ABLIM2: variants seen among roughly 807,000 people sequenced by gnomAD.
The protein encoded by ABLIM2 is actin binding LIM protein family member 2.
Under a neutral mutation model 97.7 loss-of-function variants are expected in ABLIM2, and 53 were observed. That is an observed-to-expected ratio of 0.54 (90% CI 0.44 to 0.68). The LOEUF is 0.68. Ranked by LOEUF, ABLIM2 falls within the 30% of genes least tolerant of loss-of-function variation. The pLI, the probability that ABLIM2 is intolerant of heterozygous loss-of-function variation, is 0.00. For missense variants in ABLIM2, 835 were observed against 867.2 expected (o/e 0.96, Z 0.47); for synonymous variants, 361 against 345.8 (o/e 1.04, Z -0.49).
At chr4:8,126,807 T>C (rs1848174804) in intron 1 of ABLIM2, among the ~76,000 whole-genome samples, 1 of 152,052 alleles carries the variant, frequency 6.6e-6, no homozygotes, top group South Asian at 2.1e-4. Flanking sequence ...GGCTCACACC[T>C]GTAATCCCAG....
In ABLIM2 at chr4:8,127,053, G is replaced by A. The variant is rs1451194229; in HGVS notation, c.11-20416C>T. 4.8e-5 allele frequency among the ~76,000 whole-genome samples: 7 copies of A among 147,066 alleles called. No homozygotes were observed. The highest frequency in any genetic ancestry group is 6.7e-5 in the Admixed American group (1 of 14,854). ...TGCACTCCAGCCTGGGTGACAGAGTGAGTCCCTGCCTCCAGAAAAAAAAAA... is the reference window on the plus strand; with the variant it reads ...TGCACTCCAGCCTGGGTGACAGAGTAAGTCCCTGCCTCCAGAAAAAAAAAA... On this transcript the variant is annotated intron_variant, in intron 1 of 20. Coordinates refer to ENST00000447017, the MANE Select transcript of ABLIM2 (RefSeq NM_001130083.2). This position sits in a 1 kb window ranked among gnomAD's most constrained non-coding sequence, Gnocchi z 7.3.
At chr4:8,036,997 C>G (rs1254008653) in intron 9 of ABLIM2, among the ~76,000 whole-genome samples, 1 of 152,158 alleles carries the variant, frequency 6.6e-6, no homozygotes, top group African/African-American at 2.4e-5. Flanking sequence ...TTGCCTGTAG[C>G]CTGTGCACAT....
At chr4:8,084,286 G>A (rs542724674) in intron 4 of ABLIM2, among the ~76,000 whole-genome samples, 1 of 152,278 alleles carries the variant, frequency 6.6e-6, no homozygotes, top group African/African-American at 2.4e-5. Context: ...CGGGACGGGG[G>A]CTCCTGCGAG....
rs1016367886 is a variant in ABLIM2 at position 8,132,125 on chromosome 4, G to A, written c.11-25488C>T. On this transcript the variant is annotated intron_variant, in intron 1 of 20. Coordinates refer to ENST00000447017, the MANE Select transcript of ABLIM2 (RefSeq NM_001130083.2). This position sits in a 1 kb window ranked among gnomAD's most constrained non-coding sequence, Gnocchi z 8.0. ...GGTGTACTAGCGGGATGGCTCAAGT[G>A]GCACAGGAACGACCTGGTTGGAAAG... 1.3e-5 allele frequency among the ~76,000 whole-genome samples: 2 copies of A among 150,920 alleles called. No individual in the cohort carries two copies. Among genetic ancestry groups the A allele is most frequent in the Non-Finnish European group, 2.9e-5 (2 of 67,964 alleles).
rs566840681 is a variant in ABLIM2, at chr4:8,091,872, A to T, written c.339-3588T>A. On this transcript the variant is annotated intron_variant, in intron 3 of 20. Coordinates refer to ENST00000447017, the MANE Select transcript of ABLIM2 (RefSeq NM_001130083.2). ...ATTTATACAATATATTATATATACA[A>T]TATATATTATAATATATAACATAAT... Among the ~76,000 whole-genome samples, 326 of 113,940 alleles carry T rather than the reference A, an allele frequency of 2.9e-3. 1 individual carries two copies. Among genetic ancestry groups the T allele is most frequent in the African/African-American group, 0.011 (313 of 29,374 alleles). 74.7% of individuals were successfully genotyped at this position (113,940 alleles called of 152,430 possible).
rs566918481 is a variant in ABLIM2 at position 7,986,272 on chromosome 4, C to G, written c.1681-1379G>C. On this transcript the variant is annotated intron_variant, in intron 17 of 20. Transcript: ENST00000447017. The surrounding 1 kb of genome is among the most constrained non-coding windows in gnomAD (Gnocchi z 4.3). Reference sequence around the variant, plus strand: ...TTTGCAGTAGGAAATCAGTGAGGAGCTGGTTACAGCCTAGAGAGCACGAGA... The same window carrying G: ...TTTGCAGTAGGAAATCAGTGAGGAGGTGGTTACAGCCTAGAGAGCACGAGA... Among the ~76,000 whole-genome samples the G allele has an allele frequency of 4.6e-5, 7 of 152,270 alleles. No individual in the cohort carries two copies. The South Asian group carries it at 1.5e-3, about 32-fold the overall frequency.
intron 20 of ABLIM2, among the ~76,000 whole-genome samples, chr4:7,976,812 C>T (rs1733607739): frequency 1.3e-5 from 2 of 152,104 alleles, no homozygotes; most frequent in Admixed American, 6.6e-5. Context: ...CACATGTATA[C>T]ACACATAGAC....
At chr4:8,065,333 C>T (rs1806319457) in intron 6 of ABLIM2, among the ~76,000 whole-genome samples, 1 of 152,148 alleles carries the variant, frequency 6.6e-6, no homozygotes, top group Non-Finnish European at 1.5e-5. Flanking sequence ...CCAACTGGTA[C>T]ATGAAAAGAT....
At position 7,999,423 on chromosome 4, in the gene ABLIM2, C is replaced by T. The variant is rs1755570444; in HGVS notation, c.1619-6496G>A. ...ATTTCACTTGACTCTCACCAGCCTA[C>T]ACACTAAACATGAACCCATTTTACA... On this transcript the variant is annotated intron_variant, in intron 16 of 20. Coordinates refer to ENST00000447017, the MANE Select transcript of ABLIM2 (RefSeq NM_001130083.2). This position sits in a 1 kb window ranked among gnomAD's most constrained non-coding sequence, Gnocchi z 4.4. Among the ~76,000 whole-genome samples the T allele has an allele frequency of 6.6e-6, 1 of 152,222 alleles. No homozygotes were observed. Among genetic ancestry groups the T allele is most frequent in the Admixed American group, 6.5e-5 (1 of 15,280 alleles).
intron 14 of ABLIM2, among the ~76,000 whole-genome samples, chr4:8,010,901 A>C (rs1260579612): frequency 6.6e-6 from 1 of 152,222 alleles, no homozygotes; most frequent in Non-Finnish European, 1.5e-5. Flanking sequence ...CCCAGGGAGA[A>C]GGCAGGCTAG....
intron 6 of ABLIM2, among the ~76,000 whole-genome samples, chr4:8,077,231 C>A (rs1816784750): frequency 6.6e-6 from 1 of 152,218 alleles, no homozygotes. Flanking sequence ...GCTCCCCCTG[C>A]ATAATTGCTA....
intron 14 of ABLIM2, among the ~76,000 whole-genome samples, chr4:8,011,078 C>T (rs533817271): frequency 4.6e-5 from 7 of 152,356 alleles, no homozygotes; most frequent in African/African-American, 1.7e-4. Context: ...ATTAAGTCGT[C>T]GCTCCAGCTG....
intron 3 of ABLIM2, among the ~76,000 whole-genome samples, chr4:8,091,540 ATATAATATT>A (rs1253944887): frequency 0.26 from 11,677 of 44,614 alleles, 3,156 homozygotes; most frequent in African/African-American, 0.54. Context: ...ATAAAATTAT[ATATAATATT>A]TATAATTATA....
In ABLIM2 at chr4:8,088,297, A is replaced by G. The variant is rs1825129504; in HGVS notation, c.339-13T>C. The G allele has an allele frequency of 6.2e-7, 1 of 1,607,074 alleles. No individual in the cohort carries two copies. The highest frequency in any genetic ancestry group is 8.5e-7 in the Non-Finnish European group (1 of 1,176,192). ...GGGGAAGGGCAGCCTGAAACAAGAG[A>G]GCTCGTTACCAGCCAGGCCCACCTT... On this transcript the variant is annotated splice_polypyrimidine_tract_variant and intron_variant, in intron 3 of 20. Transcript: ENST00000447017.
Position 8,019,210 on chromosome 4 carries a change from G to A in ABLIM2, c.1423+408C>T, listed in dbSNP as rs188255774. Reference sequence around the variant, plus strand: ...AAGTCTCCCTGAGGAATAAACGACCGATTCAAGTTTGTTCTATATTCCAAA... The same window carrying A: ...AAGTCTCCCTGAGGAATAAACGACCAATTCAAGTTTGTTCTATATTCCAAA... On this transcript the variant is annotated intron_variant, in intron 14 of 20. Transcript: ENST00000447017. This position sits in a 1 kb window ranked among gnomAD's most constrained non-coding sequence, Gnocchi z 4.3. Among the ~76,000 whole-genome samples the A allele has an allele frequency of 5.3e-5, 8 of 152,314 alleles. No individual in the cohort carries two copies. Among genetic ancestry groups the A allele is most frequent in the African/African-American group, 1.4e-4 (6 of 41,570 alleles).
At chr4:8,129,268 C>T (rs1561601333) in intron 1 of ABLIM2, among the ~76,000 whole-genome samples, 1 of 152,120 alleles carries the variant, frequency 6.6e-6, no homozygotes, top group Non-Finnish European at 1.5e-5. Flanking sequence ...ATACGTATGC[C>T]CCGCCCCCTC....
chr4:8,098,065 T>C (rs922161013), intron 2 of ABLIM2, among the ~76,000 whole-genome samples: 6 of 152,172 alleles, frequency 3.9e-5, no homozygotes, highest in Non-Finnish European at 8.8e-5. Flanking sequence ...CCCCAGTCCA[T>C]GTCCTGAGAC....
chr4:8,081,725 C>A (rs57549912), intron 4 of ABLIM2, among the ~76,000 whole-genome samples: 1 of 152,014 alleles, frequency 6.6e-6, no homozygotes, highest in East Asian at 1.9e-4. Context: ...AGGTCAGGGG[C>A]GGGGAGTGGG....
chr4:8,065,239 G>A (rs891233756), intron 6 of ABLIM2, among the ~76,000 whole-genome samples: 7 of 152,162 alleles, frequency 4.6e-5, no homozygotes, highest in Non-Finnish European at 7.3e-5. Flanking sequence ...ATGACAGAGT[G>A]AAACCCAGAC....
Sources: gnomAD v4.1 joint callset for allele counts (sites outside exome capture counted in the v4.1 genomes callset) on GRCh38, gnomAD v4.1.1 for gene constraint, Gnocchi (gnomAD v3.1) non-coding constraint, MANE v1.5 for transcripts, NCBI Gene and HGNC (gene_info 2026-07-23, HGNC 2026-07-21) for gene names.